Variants in CSMD2 observed in about 807,000 individuals in gnomAD.
CSMD2 encodes the protein CUB and sushi domain-containing protein 2.
A neutral mutation model predicts 398.5 loss-of-function variants in CSMD2; 130 were observed. That is an observed-to-expected ratio of 0.33 (90% CI 0.28 to 0.38). The LOEUF is 0.38. Among genes scored for constraint, CSMD2 ranks in the 10% least tolerant of loss-of-function variants. The probability of loss-of-function intolerance (pLI) is 1.00; values close to 1 mark genes in which losing one functional copy is unlikely to be tolerated. For missense variants in CSMD2, 3,829 were observed against 4,764.9 expected (o/e 0.80, Z 5.78); for synonymous variants, 1,828 against 1,908.5 (o/e 0.96, Z 1.10).
At chr1:33,575,532 G>C (rs1038723891) in intron 49 of CSMD2, among the ~76,000 whole-genome samples, 3 of 152,140 alleles carry the variant, frequency 2.0e-5, no homozygotes, top group African/African-American at 7.2e-5. Flanking sequence ...GGGAGGCTTA[G>C]AGGAAGGGCA....
intron 44 of CSMD2, 103 bp from the exon 45 acceptor site, chr1:33,587,271 C>T (rs539144208): frequency 1.1e-6 from 1 of 887,612 alleles, no homozygotes; most frequent in African/African-American, 1.7e-5. Context: ...CATTTATTCA[C>T]ACACAGATAT....
Position 33,533,936 on chromosome 1 carries a change from C to T in CSMD2, c.9880-29G>A, listed in dbSNP as rs772461725. On this transcript the variant is annotated intron_variant, in intron 62 of 70. Transcript: ENST00000373381. The surrounding 1 kb of genome is among the most constrained non-coding windows in gnomAD (Gnocchi z 4.2). ...CGGCAAGATACAAAGTCCCATCAGC[C>T]CCTTCCTTTCAGCGGTGCTTCCTAC... 7 of 1,456,848 alleles carry T rather than the reference C, an allele frequency of 4.8e-6. No individual in the cohort carries two copies. The East Asian group carries it at 9.1e-5, about 19-fold the overall frequency. 90.2% of individuals were successfully genotyped at this position (1,456,848 alleles called of 1,614,324 possible). A position where few individuals can be genotyped will look rare whatever the true frequency, so the allele number is the denominator to read the frequency against.
At chr1:34,025,493 T>A (rs1003161562) in intron 3 of CSMD2, among the ~76,000 whole-genome samples, 1 of 152,188 alleles carries the variant, frequency 6.6e-6, no homozygotes, top group Non-Finnish European at 1.5e-5. Context: ...GCTGTTTTTT[T>A]AGGTGAACTA....
rs184308260 is a variant in CSMD2 at position 33,531,875 on chromosome 1, A to C, written c.10171+1175T>G. Among the ~76,000 whole-genome samples, 369 of 152,326 alleles carry C rather than the reference A, an allele frequency of 2.4e-3. 2 individuals carry two copies. The highest frequency in any genetic ancestry group is 8.7e-3 in the African/African-American group (362 of 41,574). Reference sequence around the variant, plus strand: ...GAGTTTCTGTTCGAGATAATGAAAAAATTCTGGAAATGGATAGTGGTGATG... The same window carrying C: ...GAGTTTCTGTTCGAGATAATGAAAACATTCTGGAAATGGATAGTGGTGATG... On this transcript the variant is annotated intron_variant, in intron 64 of 70. Coordinates refer to ENST00000373381, the MANE Select transcript of CSMD2 (RefSeq NM_001281956.2).
intron 3 of CSMD2, among the ~76,000 whole-genome samples, chr1:33,974,463 A>G (rs1304218951): frequency 6.6e-6 from 1 of 152,250 alleles, no homozygotes; most frequent in Non-Finnish European, 1.5e-5. Flanking sequence ...CCAAGGAGCA[A>G]GTTTTACTGA....
intron 4 of CSMD2, among the ~76,000 whole-genome samples, chr1:33,934,046 C>T (rs1156621489): frequency 1.3e-5 from 2 of 152,102 alleles, no homozygotes; most frequent in East Asian, 1.9e-4. Flanking sequence ...GGTATACATG[C>T]CATGTAATTT....
intron 26 of CSMD2, among the ~76,000 whole-genome samples, chr1:33,662,576 T>C (rs1360153116): frequency 1.3e-5 from 2 of 152,198 alleles, no homozygotes; most frequent in Non-Finnish European, 2.9e-5. Context: ...CTTCTACTTG[T>C]CCGTTGGGTC....
intron 28 of CSMD2, among the ~76,000 whole-genome samples, chr1:33,650,808 C>T (rs1250590005): frequency 6.6e-6 from 1 of 152,176 alleles, no homozygotes; most frequent in Non-Finnish European, 1.5e-5. Flanking sequence ...CCCACCACCC[C>T]AGAGAGTTCC....
intron 3 of CSMD2, among the ~76,000 whole-genome samples, chr1:33,981,955 T>A (rs1457780167): frequency 6.6e-6 from 1 of 152,114 alleles, no homozygotes; most frequent in Non-Finnish European, 1.5e-5. Context: ...CCTGTGGAAG[T>A]CACACTGGGT....
chr1:33,842,786 C>A (rs924839306), intron 6 of CSMD2, among the ~76,000 whole-genome samples: 1 of 152,080 alleles, frequency 6.6e-6, no homozygotes, highest in East Asian at 1.9e-4. Context: ...TTCAACTGTT[C>A]AAAAATGTAA....
chr1:34,007,743 G>A (rs895168083), intron 3 of CSMD2, among the ~76,000 whole-genome samples: 11 of 152,062 alleles, frequency 7.2e-5, no homozygotes, highest in African/African-American at 2.4e-4. Context: ...AATATAAATA[G>A]CATAAATATA....
At chr1:33,800,619 T>C (rs550707937) in intron 10 of CSMD2, among the ~76,000 whole-genome samples, 18 of 152,184 alleles carry the variant, frequency 1.2e-4, no homozygotes, top group African/African-American at 3.9e-4. Context: ...CCTGAGTACA[T>C]AGACTACAAT....
chr1:33,995,731 C>A (rs138257117), intron 3 of CSMD2, among the ~76,000 whole-genome samples: 42 of 152,330 alleles, frequency 2.8e-4, no homozygotes, highest in African/African-American at 9.4e-4. Flanking sequence ...TATCTCTGCT[C>A]TCTTTTCACC....
At chr1:34,045,723 G>A (rs1652445730) in intron 2 of CSMD2, among the ~76,000 whole-genome samples, 3 of 152,152 alleles carry the variant, frequency 2.0e-5, no homozygotes, top group Non-Finnish European at 4.4e-5. Flanking sequence ...CTAAAAATAG[G>A]GGAGAAGCAC....
intron 9 of CSMD2, among the ~76,000 whole-genome samples, chr1:33,812,001 G>A (rs2124966364): frequency 6.6e-6 from 1 of 152,278 alleles, no homozygotes; most frequent in Non-Finnish European, 1.5e-5. Flanking sequence ...CTTGCCATGT[G>A]TGGAAAGGGC....
chr1:33,608,439 G>C (rs1452190530), intron 41 of CSMD2, among the ~76,000 whole-genome samples: 1 of 152,210 alleles, frequency 6.6e-6, no homozygotes, highest in Non-Finnish European at 1.5e-5. Flanking sequence ...GTCTCAGGGA[G>C]AGAGCACTTG....
chr1:33,629,525 A>G (rs1030940296), intron 32 of CSMD2, among the ~76,000 whole-genome samples: 2 of 152,234 alleles, frequency 1.3e-5, no homozygotes, highest in African/African-American at 4.8e-5. Flanking sequence ...CATAACTGTA[A>G]TGGGAAATAC....
chr1:33,608,622 T>C (rs952204169), intron 41 of CSMD2, among the ~76,000 whole-genome samples: 1 of 152,162 alleles, frequency 6.6e-6, no homozygotes, highest in Non-Finnish European at 1.5e-5. Context: ...GGTGTCTTTA[T>C]AGAAGGTGGG....
At chr1:34,128,088 C>T (rs72886072) in intron 1 of CSMD2, among the ~76,000 whole-genome samples, 3,145 of 152,118 alleles carry the variant, frequency 0.021, 93 homozygotes, top group African/African-American at 0.068. Flanking sequence ...GCCTCACCGA[C>T]GCCCTGACCT....
Sources: allele counts gnomAD v4.1 joint callset (sites outside exome capture counted in the v4.1 genomes callset), GRCh38; gene constraint gnomAD v4.1.1; non-coding constraint Gnocchi (gnomAD v3.1); transcripts MANE v1.5; gene names NCBI Gene and HGNC (gene_info 2026-07-23, HGNC 2026-07-21).